Variants in CMSS1 observed in about 807,000 individuals in gnomAD.
CMSS1 encodes the protein cms1 ribosomal small subunit homolog.
CMSS1 carries 33 observed loss-of-function variants against 43.5 expected under a neutral mutation model. The ratio of observed to expected loss-of-function variants is 0.76; its 90% confidence interval spans 0.57 to 1.01. The LOEUF (loss-of-function observed/expected upper bound fraction) is 1.01. Ranked by LOEUF, CMSS1 falls within the 50% of genes least tolerant of loss-of-function variation. The pLI, the probability that CMSS1 is intolerant of heterozygous loss-of-function variation, is 0.00. For missense variants in CMSS1, 313 were observed against 326.4 expected, an observed-to-expected ratio of 0.96 and a Z score of 0.32; for synonymous variants, 115 against 117.2, an observed-to-expected ratio of 0.98 and a Z score of 0.12.
At chr3:99,886,994 G>C (rs545485866) in intron 1 of CMSS1, among the ~76,000 whole-genome samples, 1 of 142,986 alleles carries the variant, frequency 7.0e-6, no homozygotes, top group Non-Finnish European at 1.5e-5. Context: ...AGTACTGGCC[G>C]GGTGTGGTGG....
At chr3:99,852,337 ATCTTT>A in intron 1 of CMSS1, among the ~76,000 whole-genome samples, 1 of 152,224 alleles carries the variant, frequency 6.6e-6, no homozygotes, top group Admixed American at 6.5e-5. Context: ...ACTTTAATGT[ATCTTT>A]TCTATTAGGA....
At chr3:100,135,564 G>A (rs1392166282) in intron 1 of CMSS1, among the ~76,000 whole-genome samples, 3 of 150,264 alleles carry the variant, frequency 2.0e-5, no homozygotes, top group South Asian at 2.1e-4. Context: ...TTGTATCTTC[G>A]AACTCCTCAG....
intron 1 of CMSS1, among the ~76,000 whole-genome samples, chr3:99,869,953 C>T (rs1287753253): frequency 1.3e-5 from 2 of 152,126 alleles, no homozygotes; most frequent in Non-Finnish European, 2.9e-5. Context: ...CTCTCACAGG[C>T]CCAAGTGCTA....
At chr3:100,012,529 T>A (rs1410538098) in intron 1 of CMSS1, among the ~76,000 whole-genome samples, 2 of 152,002 alleles carry the variant, frequency 1.3e-5, no homozygotes. Context: ...TAGAAACTTA[T>A]GGGAATAAGA....
intron 1 of CMSS1, among the ~76,000 whole-genome samples, chr3:99,959,291 A>G (rs892589484): frequency 1.3e-4 from 20 of 152,194 alleles, no homozygotes; most frequent in African/African-American, 4.1e-4. Flanking sequence ...TTGGGATTAC[A>G]GATGTGCAGC....
chr3:100,082,550 G>A (rs1473346928), intron 1 of CMSS1, among the ~76,000 whole-genome samples: 2 of 152,212 alleles, frequency 1.3e-5, no homozygotes, highest in Non-Finnish European at 2.9e-5. Flanking sequence ...AGTGAGGAAT[G>A]AGCCAGCTTT....
intron 1 of CMSS1, among the ~76,000 whole-genome samples, chr3:99,828,411 A>T (rs369980481): frequency 1.2e-4 from 17 of 139,518 alleles, no homozygotes; most frequent in African/African-American, 3.0e-4. Context: ...ACATACGTGT[A>T]TTTTTTTTTT....
intron 1 of CMSS1, chr3:100,051,086 A>C (rs1252632513): frequency 6.6e-6 from 1 of 152,294 alleles, no homozygotes; most frequent in Middle Eastern, 3.4e-3. Context: ...TTATTTTTAA[A>C]CCATCATTTG....
chr3:99,845,477 A>G (rs796978), intron 1 of CMSS1, among the ~76,000 whole-genome samples: 108,215 of 151,896 alleles, frequency 0.71, 38,845 homozygotes, highest in East Asian at 0.81. Context: ...AAAGAATACA[A>G]CCCTCCACCC....
intron 1 of CMSS1, among the ~76,000 whole-genome samples, chr3:100,021,958 TGTGAGAGA>T (rs1479413230): frequency 3.2e-5 from 3 of 94,930 alleles, no homozygotes; most frequent in South Asian, 4.1e-4. Context: ...TGTGTGTGTG[TGTGAGAGA>T]GAGAGAGAGA....
chr3:99,882,234 C>T (rs890182535), intron 1 of CMSS1, among the ~76,000 whole-genome samples: 2 of 152,118 alleles, frequency 1.3e-5, no homozygotes, highest in Non-Finnish European at 2.9e-5. Context: ...CATTTTAAAA[C>T]GTCCCTTTCG....
At chr3:99,936,319 C>T (rs1450176076) in intron 1 of CMSS1, among the ~76,000 whole-genome samples, 1 of 148,924 alleles carries the variant, frequency 6.7e-6, no homozygotes, top group Non-Finnish European at 1.5e-5. Flanking sequence ...TAAATGCCTT[C>T]CTTTGATTAA....
intron 1 of CMSS1, among the ~76,000 whole-genome samples, chr3:100,051,629 A>G (rs963337041): frequency 2.2e-4 from 33 of 150,372 alleles, no homozygotes; most frequent in African/African-American, 7.8e-4. Context: ...TCCTTGCGAT[A>G]GTTTGCTGAG....
At chr3:100,150,320 T>C (rs1447539653) in intron 2 of CMSS1, among the ~76,000 whole-genome samples, 1 of 152,252 alleles carries the variant, frequency 6.6e-6, no homozygotes, top group Non-Finnish European at 1.5e-5. Context: ...TTTCTAAATA[T>C]AACTGCATTT....
At chr3:99,939,968 GT>G in intron 1 of CMSS1, among the ~76,000 whole-genome samples, 1 of 152,086 alleles carries the variant, frequency 6.6e-6, no homozygotes, top group Non-Finnish European at 1.5e-5. Context: ...TGTTTTCTAC[GT>G]GCTGCAGTCA....
At chr3:100,136,716 A>T (rs1317670981) in intron 1 of CMSS1, among the ~76,000 whole-genome samples, 1 of 152,240 alleles carries the variant, frequency 6.6e-6, no homozygotes. Flanking sequence ...GAAAGGAGAC[A>T]AGGATAAAGT....
intron 1 of CMSS1, among the ~76,000 whole-genome samples, chr3:100,120,272 C>G (rs920584251): frequency 2.0e-5 from 3 of 152,166 alleles, no homozygotes; most frequent in African/African-American, 7.2e-5. Context: ...GTTCAGTAGC[C>G]TTGTTGACAT....
chr3:99,830,240 T>C (rs1942625804), intron 1 of CMSS1: 30 of 343,146 alleles, frequency 8.7e-5, no homozygotes, highest in South Asian at 6.2e-4. Context: ...CATATACACA[T>C]ATAGAAGTAA....
chr3:99,963,401 A>G (rs2107706148), intron 1 of CMSS1, among the ~76,000 whole-genome samples: 1 of 152,286 alleles, frequency 6.6e-6, no homozygotes, highest in South Asian at 2.1e-4. Context: ...AGAAGTAAAA[A>G]TAAGAGTGGG....
Sources: allele counts gnomAD v4.1 joint callset (sites outside exome capture counted in the v4.1 genomes callset), GRCh38; gene constraint gnomAD v4.1.1; transcripts MANE v1.5; gene names NCBI Gene and HGNC (gene_info 2026-07-23, HGNC 2026-07-21).